The following PHF21B variants were observed in gnomAD, a reference collection of about 807,000 sequenced individuals.
PHF21B encodes the protein PHD finger protein 4.
In PHF21B, 22 loss-of-function variants were observed where a neutral mutation model predicts 62.2. The ratio of observed to expected loss-of-function variants is 0.35; its 90% CI spans 0.25 to 0.51. The LOEUF is 0.51. Ranked by LOEUF, PHF21B falls within the 20% of genes least tolerant of loss-of-function variation. The pLI, the probability that PHF21B is intolerant of heterozygous loss-of-function variation, is 0.97. For missense variants in PHF21B, 701 were observed against 707.9 expected (o/e 0.99, Z 0.11); for synonymous variants, 341 against 314.7 (o/e 1.08, Z -0.88).
At chr22:44,940,897 G>C (rs1332116473) in intron 2 of PHF21B, among the ~76,000 whole-genome samples, 1 of 152,180 alleles carries the variant, frequency 6.6e-6, no homozygotes, top group African/African-American at 2.4e-5. Flanking sequence ...CTTGGGGTGG[G>C]GCTGTGGAGG....
chr22:44,934,024 A>G (rs2071795734), intron 2 of PHF21B, among the ~76,000 whole-genome samples: 1 of 152,140 alleles, frequency 6.6e-6, no homozygotes, highest in African/African-American at 2.4e-5. Context: ...TAACAAGAAA[A>G]TATATGGCAT....
At chr22:44,974,482 C>T (rs565607006) in intron 2 of PHF21B, among the ~76,000 whole-genome samples, 1 of 152,190 alleles carries the variant, frequency 6.6e-6, no homozygotes, top group South Asian at 2.1e-4. Flanking sequence ...ATGACACATG[C>T]TTACATTTTC....
intron 2 of PHF21B, among the ~76,000 whole-genome samples, chr22:44,942,347 T>G (rs2071975006): frequency 6.6e-6 from 1 of 152,076 alleles, no homozygotes; most frequent in Non-Finnish European, 1.5e-5. Flanking sequence ...GGGGGCACCC[T>G]CTGCCCGAGG....
rs781292505 is a variant in PHF21B, at chr22:44,940,366, G to A, written c.121-19876C>T. Among the ~76,000 whole-genome samples, 398 of 152,286 alleles carry A rather than the reference G, an allele frequency of 2.6e-3. 6 individuals carry two copies. Among genetic ancestry groups the A allele is most frequent in the Non-Finnish European group, 1.3e-3 (90 of 68,024 alleles). ...CCAGCATTAGCATTGCTAATCTCCCGCCAGCCCCATCACAGGCACCCCTTG... is the reference window on the plus strand; with the variant it reads ...CCAGCATTAGCATTGCTAATCTCCCACCAGCCCCATCACAGGCACCCCTTG... On this transcript the variant is annotated intron_variant, in intron 2 of 12. Coordinates refer to ENST00000313237, the MANE Select transcript of PHF21B (RefSeq NM_138415.5).
intron 5 of PHF21B, among the ~76,000 whole-genome samples, chr22:44,904,064 G>T (rs1226961938): frequency 6.6e-6 from 1 of 151,924 alleles, no homozygotes; most frequent in East Asian, 1.9e-4. Context: ...TGCTGATTTA[G>T]AAATTATAGG....
intron 2 of PHF21B, among the ~76,000 whole-genome samples, chr22:45,007,722 G>C (rs182731968): frequency 0.15 from 4,863 of 32,726 alleles, 314 homozygotes; most frequent in African/African-American, 0.33. Flanking sequence ...GAAGGGGCGG[G>C]TGTGCGAGTG....
At chr22:44,994,801 A>G (rs2073093922) in intron 2 of PHF21B, among the ~76,000 whole-genome samples, 1 of 152,194 alleles carries the variant, frequency 6.6e-6, no homozygotes, top group Admixed American at 6.5e-5. Flanking sequence ...ACGATGAAAG[A>G]TGTGCCAACG....
At chr22:44,914,137 G>A (rs1238805625) in intron 4 of PHF21B, 49 bp from the exon 5 acceptor site, 1 of 606,182 alleles carries the variant, frequency 1.6e-6, no homozygotes, top group Non-Finnish European at 2.9e-6. Flanking sequence ...GAGTGAGGGG[G>A]GCTGGGGAGG....
chr22:44,986,155 GCAC>G (rs749565741), intron 2 of PHF21B, among the ~76,000 whole-genome samples: 7 of 121,152 alleles, frequency 5.8e-5, no homozygotes, highest in Admixed American at 2.4e-4. Context: ...AACACCATGA[GCAC>G]CACCATCACC....
At chr22:44,905,664 G>T (rs573752318) in intron 5 of PHF21B, among the ~76,000 whole-genome samples, 1 of 151,540 alleles carries the variant, frequency 6.6e-6, no homozygotes, top group Non-Finnish European at 1.5e-5. Context: ...AATCTCGCTC[G>T]GTCACCCAGG....
rs148366487 is a variant in PHF21B, at chr22:44,935,835, G to A, written c.121-15345C>T. Among the ~76,000 whole-genome samples the A allele has an allele frequency of 4.2e-3, 641 of 152,178 alleles. 2 individuals carry two copies. Among genetic ancestry groups the A allele is most frequent in the African/African-American group, 0.014 (594 of 41,512 alleles). ...GAGCAGAGTTAGCGAGACTAGAAAA[G>A]TGTTCAGCTCAAGAAGGGGTGGCTC... On this transcript the variant is annotated intron_variant, in intron 2 of 12. Coordinates refer to ENST00000313237, the MANE Select transcript of PHF21B (RefSeq NM_138415.5).
At chr22:44,992,016 A>G (rs1032063134) in intron 2 of PHF21B, among the ~76,000 whole-genome samples, 5 of 152,214 alleles carry the variant, frequency 3.3e-5, no homozygotes, top group African/African-American at 1.2e-4. Flanking sequence ...GGGGGAGCGC[A>G]CTTGGTCGGG....
chr22:45,007,525 G>A (rs1315784274), intron 2 of PHF21B, among the ~76,000 whole-genome samples: 7 of 144,924 alleles, frequency 4.8e-5, no homozygotes, highest in African/African-American at 1.5e-4. Context: ...AAACGCGATC[G>A]ATGGCCGGGG....
intron 2 of PHF21B, chr22:44,971,187 GC>G (rs1442620250): frequency 6.6e-6 from 1 of 152,140 alleles, no homozygotes; most frequent in African/African-American, 2.4e-5. Flanking sequence ...CAACCACAGG[GC>G]TCCTCACTCA....
intron 2 of PHF21B, chr22:44,933,474 C>A: frequency 1.0e-6 from 1 of 985,508 alleles, no homozygotes; most frequent in Non-Finnish European, 1.2e-6. Context: ...CACACCTACC[C>A]CGTGCTGGGT....
At chr22:44,965,081 C>T (rs551560032) in intron 2 of PHF21B, among the ~76,000 whole-genome samples, 1 of 152,264 alleles carries the variant, frequency 6.6e-6, no homozygotes, top group South Asian at 2.1e-4. Context: ...TGCAATGTGG[C>T]GTGAACACCG....
chr22:44,956,075 C>A (rs1029601988), intron 2 of PHF21B, among the ~76,000 whole-genome samples: 3 of 152,212 alleles, frequency 2.0e-5, no homozygotes, highest in Non-Finnish European at 4.4e-5. Flanking sequence ...CATCAGCCCG[C>A]GAGGAAGGGG....
intron 2 of PHF21B, among the ~76,000 whole-genome samples, chr22:44,924,166 C>T (rs2071590083): frequency 6.6e-6 from 1 of 151,854 alleles, no homozygotes; most frequent in African/African-American, 2.4e-5. Context: ...GGCAAATAAG[C>T]AAATAAAAAA....
At chr22:44,929,925 G>A (rs1429864490) in intron 2 of PHF21B, among the ~76,000 whole-genome samples, 1 of 152,210 alleles carries the variant, frequency 6.6e-6, no homozygotes, top group East Asian at 1.9e-4. Flanking sequence ...CAGGCCTGCA[G>A]TTCCAGGAAG....
Sources: gnomAD v4.1 joint callset for allele counts (sites outside exome capture counted in the v4.1 genomes callset) on GRCh38, gnomAD v4.1.1 for gene constraint, MANE v1.5 for transcripts, NCBI Gene and HGNC (gene_info 2026-07-23, HGNC 2026-07-21) for gene names.